The following MICAL2 variants were observed in gnomAD, a reference collection of about 807,000 sequenced individuals.
The protein encoded by MICAL2 is microtubule associated monooxygenase, calponin and LIM domain containing 2.
A neutral mutation model predicts 127.3 loss-of-function variants in MICAL2; 77 were observed. The ratio of observed to expected loss-of-function variants is 0.60; its 90% CI spans 0.50 to 0.73. The LOEUF is 0.73. Among genes scored for constraint, MICAL2 ranks in the 30% least tolerant of loss-of-function variants. The probability of loss-of-function intolerance (pLI) is 0.00; values close to 1 mark genes in which losing one functional copy is unlikely to be tolerated. For missense variants in MICAL2, 1,351 were observed against 1,434.4 expected (o/e 0.94, Z 0.94); for synonymous variants, 570 against 551.1 (o/e 1.03, Z -0.48).
chr11:12,233,809 G>A (rs1858641508), intron 15 of MICAL2, among the ~76,000 whole-genome samples: 1 of 152,174 alleles, frequency 6.6e-6, no homozygotes, highest in South Asian at 2.1e-4. Context: ...TTTGTAGAGT[G>A]AAACAGGGTC....
chr11:12,161,880 A>G (rs1304978653), intron 2 of MICAL2, 199 bp from the exon 3 acceptor site: 6 of 485,950 alleles, frequency 1.2e-5, no homozygotes, highest in Admixed American at 3.4e-5. Flanking sequence ...AGGGGAAGAG[A>G]TTACCTGCAA....
intron 8 of MICAL2, among the ~76,000 whole-genome samples, chr11:12,219,528 CAAAAAAAA>C (rs11316414): frequency 2.1e-5 from 1 of 48,606 alleles, no homozygotes; most frequent in Non-Finnish European, 3.6e-5. Flanking sequence ...AACTCCATCT[CAAAAAAAA>C]AAAAAAAAAA....
chr11:12,167,253 C>A (rs1246471794), intron 3 of MICAL2, among the ~76,000 whole-genome samples: 1 of 146,588 alleles, frequency 6.8e-6, no homozygotes, highest in Non-Finnish European at 1.5e-5. Context: ...AGGAATCAGG[C>A]CAGCGTATGT....
chr11:12,125,370 C>T (rs1031592834), intron 1 of MICAL2, among the ~76,000 whole-genome samples: 1 of 152,222 alleles, frequency 6.6e-6, no homozygotes, highest in Non-Finnish European at 1.5e-5. Context: ...TCTCCTGCCT[C>T]GACCTCCCGA....
chr11:12,319,571 T>C lies in MICAL2; in HGVS notation c.5213-125T>C. ...ACTGTTGCCTCATGCTCACGGCAGG[T>C]GCAGTGAGGGGAGGGCAGGGAGGAA... On this transcript the variant is annotated intron_variant, in intron 29 of 34. Coordinates refer to the MICAL2 transcript ENST00000646065. 3 of 670,518 alleles carry C rather than the reference T, an allele frequency of 4.5e-6. No homozygotes were observed. In the Admixed American group the frequency reaches 7.8e-5, roughly 17 times the overall value. 41.5% of individuals were successfully genotyped at this position (670,518 alleles called of 1,614,324 possible). A position where few individuals can be genotyped will look rare whatever the true frequency, so the allele number is the denominator to read the frequency against.
intron 25 of MICAL2, among the ~76,000 whole-genome samples, chr11:12,259,151 G>C (rs77414755): frequency 0.032 from 4,884 of 151,912 alleles, 171 homozygotes; most frequent in African/African-American, 0.077. Context: ...AACATGGGAA[G>C]GAAAGAATAT....
At chr11:12,174,678 T>C (rs1036837593) in intron 3 of MICAL2, among the ~76,000 whole-genome samples, 8 of 152,196 alleles carry the variant, frequency 5.3e-5, no homozygotes, top group African/African-American at 9.7e-5. Flanking sequence ...GTCTTTGTTT[T>C]CAGTTATTTT....
At chr11:12,313,401 G>A (rs767382887) in intron 29 of MICAL2, among the ~76,000 whole-genome samples, 1 of 151,990 alleles carries the variant, frequency 6.6e-6, no homozygotes, top group Non-Finnish European at 1.5e-5. Context: ...AGCAGGAGAA[G>A]GTCAGAGGAA....
At chr11:12,346,160 G>T (rs923881240) in intron 32 of MICAL2, among the ~76,000 whole-genome samples, 1 of 152,184 alleles carries the variant, frequency 6.6e-6, no homozygotes, top group Non-Finnish European at 1.5e-5. Flanking sequence ...TTCGTCCCAT[G>T]GATAATTATA....
chr11:12,271,093 A>G (rs527327957), upstream of MICAL2, among the ~76,000 whole-genome samples: 1 of 152,242 alleles, frequency 6.6e-6, no homozygotes, highest in South Asian at 2.1e-4. Context: ...TGGACCCGGC[A>G]CTTAGGATCT....
At chr11:12,354,931 G>A in intron 34 of MICAL2, 1 of 1,402,478 alleles carries the variant, frequency 7.1e-7, no homozygotes, top group Non-Finnish European at 9.9e-7. Context: ...ACAAATCCCA[G>A]AGTGGGGCGC....
At chr11:12,267,763 A>G (rs1863626447), downstream of MICAL2, among the ~76,000 whole-genome samples, 1 of 152,022 alleles carries the variant, frequency 6.6e-6, no homozygotes, top group African/African-American at 2.4e-5. Context: ...CACCACACCC[A>G]GCTAACTTTT....
chr11:12,336,714 G>T (rs1036311078), intron 32 of MICAL2, among the ~76,000 whole-genome samples: 8 of 152,088 alleles, frequency 5.3e-5, no homozygotes, highest in African/African-American at 1.7e-4. Context: ...AGATAATCAT[G>T]TGGTTTTTGT....
chr11:12,334,957 G>A (rs1259562878), intron 32 of MICAL2, among the ~76,000 whole-genome samples: 1 of 151,934 alleles, frequency 6.6e-6, no homozygotes, highest in African/African-American at 2.4e-5. Context: ...TAATCCTTTG[G>A]GTATATACCC....
intron 24 of MICAL2, among the ~76,000 whole-genome samples, chr11:12,269,652 G>A (rs888787578): frequency 1.3e-5 from 2 of 152,328 alleles, no homozygotes; most frequent in South Asian, 2.1e-4. Flanking sequence ...GAGCTGCTCA[G>A]CTCTGCTGAG....
chr11:12,197,944 T>C (rs1357642639), intron 3 of MICAL2: 1 of 152,194 alleles, frequency 6.6e-6, no homozygotes, highest in Non-Finnish European at 1.5e-5. Flanking sequence ...TTTCTGTAAA[T>C]TTCTAAGATT....
At chr11:12,294,601 A>G (rs183767466), downstream of MICAL2, 1 of 1,614,222 alleles carries the variant, frequency 6.2e-7, no homozygotes, top group Non-Finnish European at 8.5e-7. Context: ...CTAAGCCTCC[A>G]AAGAAAAGAA....
intron 3 of MICAL2, among the ~76,000 whole-genome samples, chr11:12,178,400 G>C (rs1857069881): frequency 6.7e-6 from 1 of 150,310 alleles, no homozygotes; most frequent in Admixed American, 6.6e-5. Context: ...TTATAGCTTG[G>C]TTTTGTACAT....
At chr11:12,357,889 G>T (rs1299777175) in intron 34 of MICAL2, among the ~76,000 whole-genome samples, 1 of 152,090 alleles carries the variant, frequency 6.6e-6, no homozygotes, top group Non-Finnish European at 1.5e-5. Flanking sequence ...AGTAGCCACT[G>T]GTGCAGGTGG....
Sources: allele counts gnomAD v4.1 joint callset (sites outside exome capture counted in the v4.1 genomes callset), GRCh38; gene constraint gnomAD v4.1.1; transcripts MANE v1.5; gene names NCBI Gene and HGNC (gene_info 2026-07-23, HGNC 2026-07-21).